The following LYPD6 variants were observed in gnomAD, a reference collection of about 807,000 sequenced individuals.
LYPD6 encodes ly6/PLAUR domain-containing protein 6.
In LYPD6, 15 loss-of-function variants were observed where a neutral mutation model predicts 22.7. The ratio of observed to expected loss-of-function variants is 0.66; its 90% CI spans 0.44 to 1.02. The LOEUF (loss-of-function observed/expected upper bound fraction) is 1.02, where lower values mean the gene tolerates loss of function less well. Among genes scored for constraint, LYPD6 ranks in the 50% least tolerant of loss-of-function variants. The pLI, the probability that LYPD6 is intolerant of heterozygous loss-of-function variation, is 0.00. For missense variants in LYPD6, 189 were observed against 208.4 expected, an observed-to-expected ratio of 0.91 and a Z score of 0.57; for synonymous variants, 72 against 77.5, an observed-to-expected ratio of 0.93 and a Z score of 0.37.
At chr2:149,422,517 A>G (rs780981333) in intron 1 of LYPD6, among the ~76,000 whole-genome samples, 27 of 152,230 alleles carry the variant, frequency 1.8e-4, no homozygotes, top group Admixed American at 1.2e-3. Context: ...TGGCTGCCAC[A>G]CCCATTTGAA....
intron 3 of LYPD6, 139 bp downstream of exon 3, chr2:149,449,286 C>A: frequency 1.8e-6 from 1 of 570,976 alleles, no homozygotes; most frequent in Non-Finnish European, 3.2e-6. Flanking sequence ...ATCTTTTGTA[C>A]CACACCAATA....
Position 149,470,875 on chromosome 2 carries a change from T to C in LYPD6, c.*25T>C. The stretch of plus-strand genomic sequence containing the variant: ...GTGGCTCAGTGGCTCCATGTGTTAA[T>C]AGCGATCCATGGGGATCTCGATGGT... On this transcript the variant is annotated 3_prime_UTR_variant, in exon 5 of 5. Coordinates refer to ENST00000334166, the MANE Select transcript of LYPD6 (RefSeq NM_194317.5). The C allele has an allele frequency of 1.3e-6, 2 of 1,595,888 alleles. No homozygotes were observed. The highest frequency in any genetic ancestry group is 1.3e-5 in the African/African-American group (1 of 74,670).
At chr2:149,361,300 AG>A (rs1681567836) in intron 1 of LYPD6, among the ~76,000 whole-genome samples, 1 of 152,202 alleles carries the variant, frequency 6.6e-6, no homozygotes, top group African/African-American at 2.4e-5. Context: ...AGTGATTTAG[AG>A]TCATCTTTCC....
the LYPD6 span, among the ~76,000 whole-genome samples, chr2:149,484,849 T>C: frequency 6.6e-6 from 1 of 152,030 alleles, no homozygotes; most frequent in Non-Finnish European, 1.5e-5. Context: ...GCGTTTTTGG[T>C]GTTATTTTTT....
At chr2:149,444,653 GC>G (rs1683642404) in intron 2 of LYPD6, among the ~76,000 whole-genome samples, 1 of 151,156 alleles carries the variant, frequency 6.6e-6, no homozygotes, top group South Asian at 2.1e-4. Context: ...TCAAGAAACG[GC>G]TTTTTTTTTT....
At chr2:149,446,799 TAGTC>T (rs1212603498) in intron 2 of LYPD6, among the ~76,000 whole-genome samples, 2 of 152,242 alleles carry the variant, frequency 1.3e-5, no homozygotes, top group African/African-American at 2.4e-5. Flanking sequence ...GATATTGTCA[TAGTC>T]AGGTCTGTGA....
At chr2:149,331,396 A>C (rs1441560578) in intron 1 of LYPD6, among the ~76,000 whole-genome samples, 4 of 152,166 alleles carry the variant, frequency 2.6e-5, no homozygotes, top group Admixed American at 2.6e-4. Context: ...GTTACAACCT[A>C]AAGCTCACTA....
chr2:149,434,496 A>G lies in LYPD6; in HGVS notation c.-71-3142A>G, dbSNP rs568926659. ...CTCCCATCTGCTCATATTTTTGGTC[A>G]TAAAAGATATAGTATACATGACTTC... On this transcript the variant is annotated intron_variant, in intron 1 of 4. Transcript: ENST00000334166. Among the ~76,000 whole-genome samples the G allele has an allele frequency of 2.0e-5, 3 of 152,320 alleles. No homozygotes were observed. In the South Asian group the frequency reaches 6.2e-4, roughly 32 times the overall value.
At chr2:149,456,381 A>G (rs1480263501) in intron 3 of LYPD6, among the ~76,000 whole-genome samples, 2 of 152,212 alleles carry the variant, frequency 1.3e-5, no homozygotes. Context: ...AATGACCAGC[A>G]TCTTAGAAGC....
chr2:149,403,558 G>T (rs1431337768), intron 1 of LYPD6, among the ~76,000 whole-genome samples: 2 of 136,336 alleles, frequency 1.5e-5, no homozygotes, highest in Admixed American at 7.1e-5. Context: ...CATGTCCTTC[G>T]CCCACTTTTT....
intron 3 of LYPD6, among the ~76,000 whole-genome samples, chr2:149,460,815 T>A (rs990404349): frequency 4.0e-5 from 6 of 151,824 alleles, no homozygotes; most frequent in Non-Finnish European, 8.8e-5. Context: ...AAACTAGAGA[T>A]CAATGACAGA....
chr2:149,465,546 G>C (rs1001168462), intron 3 of LYPD6, among the ~76,000 whole-genome samples: 6 of 152,134 alleles, frequency 3.9e-5, no homozygotes, highest in Non-Finnish European at 8.8e-5. Context: ...ACTAAAACAA[G>C]CAGAACCATG....
chr2:149,411,638 T>C (rs946666950), intron 1 of LYPD6, among the ~76,000 whole-genome samples: 2 of 152,322 alleles, frequency 1.3e-5, no homozygotes, highest in East Asian at 1.9e-4. Context: ...ACAGTGGAAG[T>C]ATTTGACAAA....
At chr2:149,468,132 A>ACACACACAC (rs1681243964) in intron 3 of LYPD6, among the ~76,000 whole-genome samples, 7 of 114,666 alleles carry the variant, frequency 6.1e-5, no homozygotes, top group East Asian at 2.4e-4. Flanking sequence ...GCTTCCCCCC[A>ACACACACAC]ACACACACAC....
At chr2:149,395,535 G>T (rs1306890770) in intron 1 of LYPD6, among the ~76,000 whole-genome samples, 1 of 151,958 alleles carries the variant, frequency 6.6e-6, no homozygotes, top group Non-Finnish European at 1.5e-5. Flanking sequence ...AACTTTTCCA[G>T]CCACCTGATT....
chr2:149,458,990 C>G (rs1203969435), intron 3 of LYPD6, among the ~76,000 whole-genome samples: 1 of 152,094 alleles, frequency 6.6e-6, no homozygotes, highest in Admixed American at 6.5e-5. Context: ...ATCAGAGTTT[C>G]AAGAGAACAA....
At chr2:149,411,092 C>T (rs1450001412) in intron 1 of LYPD6, among the ~76,000 whole-genome samples, 1 of 152,198 alleles carries the variant, frequency 6.6e-6, no homozygotes, top group Non-Finnish European at 1.5e-5. Context: ...TCAGCAACAT[C>T]AGCATCATCT....
chr2:149,361,160 T>C (rs2105068124), intron 1 of LYPD6, among the ~76,000 whole-genome samples: 1 of 152,274 alleles, frequency 6.6e-6, no homozygotes, highest in African/African-American at 2.4e-5. Context: ...TTAAATATCA[T>C]CTTCAGCTAG....
At chr2:149,486,035 G>A in the LYPD6 span, among the ~76,000 whole-genome samples, 1 of 152,090 alleles carries the variant, frequency 6.6e-6, no homozygotes, top group Non-Finnish European at 1.5e-5. Flanking sequence ...ATATAAAAAT[G>A]CAACTGAAAT....
Sources: gnomAD v4.1 joint callset for allele counts (sites outside exome capture counted in the v4.1 genomes callset) on GRCh38, gnomAD v4.1.1 for gene constraint, MANE v1.5 for transcripts, NCBI Gene and HGNC (gene_info 2026-07-23, HGNC 2026-07-21) for gene names.